The following CLEC2A variants were observed in gnomAD, a reference collection of about 807,000 sequenced individuals.
CLEC2A encodes C-type lectin domain family 2 member A.
Under a neutral mutation model 18.6 loss-of-function variants are expected in CLEC2A, and 19 were observed. That is an observed-to-expected ratio of 1.02 (90% confidence interval 0.71 to 1.50). The LOEUF is 1.50. Among genes scored for constraint, CLEC2A ranks in the 40% most tolerant of loss-of-function variants. CLEC2A has a pLI of 0.00. For missense variants in CLEC2A, 190 were observed against 207.9 expected, an observed-to-expected ratio of 0.91 and a Z score of 0.53; for synonymous variants, 74 against 64.0, an observed-to-expected ratio of 1.16 and a Z score of -0.75.
chr12:9,921,864 T>G (rs1277191268), intron 3 of CLEC2A, among the ~76,000 whole-genome samples: 2 of 152,112 alleles, frequency 1.3e-5, no homozygotes, highest in African/African-American at 2.4e-5. Flanking sequence ...TTGAGTAGGC[T>G]GAGGAGGGGG....
the CLEC2A span, among the ~76,000 whole-genome samples, chr12:9,881,850 A>C: frequency 6.6e-6 from 1 of 152,182 alleles, no homozygotes; most frequent in Non-Finnish European, 1.5e-5. Context: ...GCATTTTCAG[A>C]GCCATGAGGT....
chr12:9,919,554 G>C (rs1863130204), intron 3 of CLEC2A, among the ~76,000 whole-genome samples: 1 of 152,204 alleles, frequency 6.6e-6, no homozygotes, highest in Non-Finnish European at 1.5e-5. Flanking sequence ...GCCCCTGGAG[G>C]CTCTCTCTAA....
At chr12:9,892,164 G>A in the CLEC2A span, among the ~76,000 whole-genome samples, 1 of 152,290 alleles carries the variant, frequency 6.6e-6, no homozygotes, top group East Asian at 1.9e-4. Flanking sequence ...AGCAGAAATT[G>A]ACGGTTCAAG....
At chr12:9,885,263 TA>T in the CLEC2A span, among the ~76,000 whole-genome samples, 1 of 151,654 alleles carries the variant, frequency 6.6e-6, no homozygotes. Flanking sequence ...ATCTTATAAT[TA>T]AAAAAGTAAT....
chr12:9,895,605 A>G (rs1862747458), downstream of CLEC2A: 2 of 1,308,910 alleles, frequency 1.5e-6, no homozygotes, highest in South Asian at 1.6e-5. Context: ...AGAATTACCT[A>G]TAAAAGTTTG....
intron 3 of CLEC2A, among the ~76,000 whole-genome samples, chr12:9,919,850 G>A (rs116944839): frequency 2.0e-5 from 3 of 152,216 alleles, no homozygotes; most frequent in Non-Finnish European, 4.4e-5. Context: ...AGCTATTACC[G>A]GCCCAAGAAC....
chr12:9,901,501 G>A (rs969645251), intron 4 of CLEC2A, among the ~76,000 whole-genome samples: 3 of 152,140 alleles, frequency 2.0e-5, no homozygotes, highest in Non-Finnish European at 4.4e-5. Context: ...TACAATTTTA[G>A]AGCATACATT....
chr12:9,916,534 G>A (rs1863073453), intron 4 of CLEC2A, among the ~76,000 whole-genome samples, 166 bp downstream of exon 4: 1 of 152,144 alleles, frequency 6.6e-6, no homozygotes, highest in Non-Finnish European at 1.5e-5. Flanking sequence ...GGTTGCTCTA[G>A]GATATGCTTC....
At chr12:9,893,542 G>A in the CLEC2A span, 4 of 1,337,466 alleles carry the variant, frequency 3.0e-6, no homozygotes, top group South Asian at 2.7e-5. Context: ...TTCCAGAATT[G>A]TGAGTAGTTA....
Position 9,916,713 on chromosome 12 carries a change from T to C in CLEC2A, c.397A>G (p.Thr133Ala), listed in dbSNP as rs1863077963. ...TTGGAAACTCACCAACCATTGAATG[T>C]GGTGCCATTTGTCCATTTCCAAGAA... The part of the protein sequence containing the change: ...GDSWKWTNGT[T>A]FNGWFEIIGN... The change falls in exon 4 of 5, where the codon ACA (threonine) becomes GCA (alanine). Residue 133 changes from threonine (T) to alanine (A), a missense_variant. Physicochemically the swap from Thr to Ala is moderately conservative, Grantham distance 58 (BLOSUM62 0). Coordinates refer to ENST00000455827, the MANE Select transcript of CLEC2A (RefSeq NM_001130711.2). 1.3e-6 allele frequency: 2 copies of C among 1,545,794 alleles called. No individual in the cohort carries two copies. The highest frequency in any genetic ancestry group is 1.8e-6 in the Non-Finnish European group (2 of 1,141,558).
the CLEC2A span, among the ~76,000 whole-genome samples, chr12:9,889,427 G>C: frequency 6.6e-6 from 1 of 152,116 alleles, no homozygotes; most frequent in Non-Finnish European, 1.5e-5. Flanking sequence ...CCTCCATAAA[G>C]TGGGTGGATC....
chr12:9,906,598 G>T (rs1308496006), intron 4 of CLEC2A, among the ~76,000 whole-genome samples: 1 of 152,120 alleles, frequency 6.6e-6, no homozygotes, highest in African/African-American at 2.4e-5. Flanking sequence ...TCCCTTCCTG[G>T]TTTTGCAAGC....
downstream of CLEC2A, among the ~76,000 whole-genome samples, chr12:9,912,023 C>G (rs919089689): frequency 7.9e-5 from 12 of 151,998 alleles, no homozygotes; most frequent in Admixed American, 7.9e-4. Context: ...ACAACAAAAA[C>G]TTTAGAGAGT....
chr12:9,892,654 G>A, the CLEC2A span, among the ~76,000 whole-genome samples: 3 of 140,252 alleles, frequency 2.1e-5, no homozygotes, highest in Admixed American at 7.8e-5. Flanking sequence ...GCTCGATCAC[G>A]GCTCACCGCA....
chr12:9,891,172 A>G, the CLEC2A span, among the ~76,000 whole-genome samples: 1 of 152,140 alleles, frequency 6.6e-6, no homozygotes, highest in Non-Finnish European at 1.5e-5. Flanking sequence ...TATTTTAGAA[A>G]CTAAGTGTAT....
downstream of CLEC2A, among the ~76,000 whole-genome samples, chr12:9,898,226 T>G (rs1862778885): frequency 6.6e-6 from 1 of 152,240 alleles, no homozygotes; most frequent in Non-Finnish European, 1.5e-5. Flanking sequence ...CTGATATTCA[T>G]GACTTTTTTG....
intron 1 of CLEC2A, among the ~76,000 whole-genome samples, chr12:9,931,576 C>A (rs1304208939): frequency 6.6e-6 from 1 of 152,126 alleles, no homozygotes; most frequent in African/African-American, 2.4e-5. Flanking sequence ...ATCAGGCTTA[C>A]TTATTATTAA....
At chr12:9,931,988 A>AT (rs915499960) in intron 1 of CLEC2A, among the ~76,000 whole-genome samples, 4 of 152,160 alleles carry the variant, frequency 2.6e-5, no homozygotes, top group Admixed American at 1.3e-4. Flanking sequence ...GTGTTAAGCA[A>AT]TTTTTTCCCT....
chr12:9,899,902 G>T (rs1862802414), intron 4 of CLEC2A, among the ~76,000 whole-genome samples: 1 of 152,120 alleles, frequency 6.6e-6, no homozygotes. Context: ...CTTTCCTAGG[G>T]CTTTGACCTG....
Sources: allele counts gnomAD v4.1 joint callset (sites outside exome capture counted in the v4.1 genomes callset), GRCh38; gene constraint gnomAD v4.1.1; transcripts MANE v1.5; gene names NCBI Gene and HGNC (gene_info 2026-07-23, HGNC 2026-07-21).